Variants in TECPR2 observed in about 807,000 individuals in gnomAD.
The protein encoded by TECPR2 is tectonin beta-propeller repeat containing 2.
TECPR2 carries 65 observed loss-of-function variants against 138.1 expected under a neutral mutation model. The ratio of observed to expected loss-of-function variants is 0.47; its 90% CI spans 0.39 to 0.58. TECPR2 has a LOEUF of 0.58. TECPR2 is among the 20% of genes least tolerant of loss of function. The pLI, the probability that TECPR2 is intolerant of heterozygous loss-of-function variation, is 0.00. For missense variants in TECPR2, 1,553 were observed against 1,824.5 expected (o/e 0.85, Z 2.71); for synonymous variants, 746 against 749.8 (o/e 0.99, Z 0.08).
At chr14:102,482,838 C>CT (rs758301929) in intron 17 of TECPR2, among the ~76,000 whole-genome samples, 17,229 of 96,694 alleles carry the variant, frequency 0.18, 2,322 homozygotes, top group East Asian at 0.43. Flanking sequence ...AGAAGCCTTT[C>CT]TTTTTTTTTT....
chr14:102,373,332 G>A (rs890833851), intron 1 of TECPR2, among the ~76,000 whole-genome samples: 4 of 152,144 alleles, frequency 2.6e-5, no homozygotes, highest in Non-Finnish European at 5.9e-5. Context: ...ATACCATTCA[G>A]TAGAAACTGT....
At chr14:102,386,244 A>G (rs1262959706) in intron 2 of TECPR2, among the ~76,000 whole-genome samples, 1 of 152,070 alleles carries the variant, frequency 6.6e-6, no homozygotes, top group Non-Finnish European at 1.5e-5. Context: ...CGAGGCAGGC[A>G]GATCATTTTG....
At chr14:102,465,789 C>A in intron 17 of TECPR2, 2 of 329,808 alleles carry the variant, frequency 6.1e-6, no homozygotes, top group African/African-American at 2.2e-5. Flanking sequence ...CATCCCAACA[C>A]AGAGTCTGTG....
intron 17 of TECPR2, among the ~76,000 whole-genome samples, chr14:102,469,215 A>T (rs1890612531): frequency 6.6e-6 from 1 of 152,284 alleles, no homozygotes; most frequent in East Asian, 1.9e-4. Flanking sequence ...TGAACATGGG[A>T]TGTCTTCCCA....
At chr14:102,377,006 T>G in intron 2 of TECPR2, 66 bp downstream of exon 2, 1 of 1,504,596 alleles carries the variant, frequency 6.6e-7, no homozygotes, top group South Asian at 1.2e-5. Flanking sequence ...CATGCTTGTG[T>G]TCTAGGATGA....
At chr14:102,364,315 C>T (rs566304621) in intron 1 of TECPR2, among the ~76,000 whole-genome samples, 76 of 152,306 alleles carry the variant, frequency 5.0e-4, no homozygotes, top group Non-Finnish European at 6.5e-4. Context: ...CTTGATAAAC[C>T]TCTGACCTTA....
At chr14:102,447,578 A>G (rs542296968) in intron 13 of TECPR2, among the ~76,000 whole-genome samples, 25 of 152,034 alleles carry the variant, frequency 1.6e-4, no homozygotes, top group Non-Finnish European at 3.2e-4. Flanking sequence ...TCTGTCACCC[A>G]GTCTGGAGTA....
Position 102,498,856 on chromosome 14 carries a change from C to G in TECPR2, c.*599C>G, listed in dbSNP as rs768367236. ...TGCCAGGAGAGAACCCACGCACATG[C>G]ACACCACAACACACAACACACCTCA... On this transcript the variant is annotated 3_prime_UTR_variant, in exon 20 of 20. Transcript: ENST00000359520. The G allele has an allele frequency of 1.1e-5, 7 of 646,730 alleles. No homozygotes were observed. The highest frequency in any genetic ancestry group is 2.0e-5 in the Non-Finnish European group (7 of 348,026). The allele number at this position is 646,730 out of a possible 1,614,324, so 40.1% of individuals were successfully genotyped here.
chr14:102,482,063 T>G (rs1227380898), intron 17 of TECPR2, among the ~76,000 whole-genome samples: 1 of 152,148 alleles, frequency 6.6e-6, no homozygotes, highest in Non-Finnish European at 1.5e-5. Flanking sequence ...TTTCTTTTTT[T>G]TTTTGAGACA....
intron 7 of TECPR2, among the ~76,000 whole-genome samples, chr14:102,430,553 C>T (rs539294597): frequency 6.6e-6 from 1 of 152,314 alleles, no homozygotes; most frequent in African/African-American, 2.4e-5. Context: ...GTGTCTGGCA[C>T]ACGGAGGATC....
chr14:102,396,292 G>A (rs949683382), intron 2 of TECPR2, among the ~76,000 whole-genome samples: 6 of 151,826 alleles, frequency 4.0e-5, no homozygotes, highest in Admixed American at 6.6e-5. Context: ...TAGTAGAGAC[G>A]GAGTTTCGCC....
chr14:102,419,866 T>G lies in TECPR2; in HGVS notation c.638+5073T>G, dbSNP rs1422665161. ...GAAGCCCTCCCTGGCAGTAGCACTT[T>G]GCCCTGGGGAAGGAGAAGGAGACGC... is the stretch of plus-strand genomic sequence containing the variant. On this transcript the variant is annotated intron_variant, in intron 5 of 19. Coordinates refer to ENST00000359520, the MANE Select transcript of TECPR2 (RefSeq NM_014844.5). This position sits in a 1 kb window ranked among gnomAD's most constrained non-coding sequence, Gnocchi z 4.8. Among the ~76,000 whole-genome samples the G allele has an allele frequency of 6.6e-6, 1 of 152,158 alleles. No individual in the cohort carries two copies. Among genetic ancestry groups the G allele is most frequent in the African/African-American group, 2.4e-5 (1 of 41,430 alleles).
chr14:102,481,627 A>G (rs1890895991), intron 17 of TECPR2, among the ~76,000 whole-genome samples: 1 of 152,230 alleles, frequency 6.6e-6, no homozygotes, highest in South Asian at 2.1e-4. Context: ...ACAGAGTCAC[A>G]TGTGAAAATC....
At chr14:102,457,284 C>T (rs1358481344) in intron 16 of TECPR2, among the ~76,000 whole-genome samples, 1 of 151,986 alleles carries the variant, frequency 6.6e-6, no homozygotes, top group Non-Finnish European at 1.5e-5. Flanking sequence ...GGGGTTTCAC[C>T]ATGTTGGCCA....
intron 7 of TECPR2, among the ~76,000 whole-genome samples, chr14:102,428,910 C>T (rs1001291474): frequency 4.7e-5 from 7 of 149,534 alleles, no homozygotes; most frequent in African/African-American, 7.4e-5. Flanking sequence ...TGCAATGAGG[C>T]GATCTCAGCT....
At chr14:102,413,532 C>T (rs1475738054) in intron 4 of TECPR2, among the ~76,000 whole-genome samples, 2 of 151,634 alleles carry the variant, frequency 1.3e-5, no homozygotes, top group Non-Finnish European at 2.9e-5. Flanking sequence ...GCATGTGCCA[C>T]CTCGCCCAGC....
chr14:102,481,442 C>A (rs1890892235), intron 17 of TECPR2, among the ~76,000 whole-genome samples: 2 of 152,208 alleles, frequency 1.3e-5, no homozygotes, highest in South Asian at 4.1e-4. Context: ...AGCCACCACA[C>A]CGAGCCTGGT....
rs1889724315 is a variant in TECPR2, at chr14:102,438,135, G to A, written c.2508G>A (p.Ala836=). The A allele has an allele frequency of 1.9e-6, 3 of 1,613,862 alleles. No homozygotes were observed. The highest frequency in any genetic ancestry group is 2.5e-6 in the Non-Finnish European group (3 of 1,179,976). The change falls in exon 10 of 20, where the codon GCG becomes GCA. Residue 836 remains alanine, a synonymous_variant. Transcript: ENST00000359520. ...LDYKGGLFCS[A]LPGAGLRWQK... is the part of the protein sequence containing the mutation. ...ACAAAGGCGGCCTGTTCTGCAGCGCGTTGCCGGGCGCCGGGCTGCGCTGGC... is the reference window on the plus strand; with the variant it reads ...ACAAAGGCGGCCTGTTCTGCAGCGCATTGCCGGGCGCCGGGCTGCGCTGGC...
At position 102,452,443 on chromosome 14, in the gene TECPR2, C is replaced by G. The variant is rs199827410; in HGVS notation, c.3456C>G (p.Ser1152Arg). The change falls in exon 16 of 20, where the codon AGC becomes AGG. Residue 1152 changes from serine (S) to arginine (R), a missense_variant. By Grantham distance (110) the Ser-to-Arg change is moderately radical (BLOSUM62 -1). Coordinates refer to ENST00000359520, the MANE Select transcript of TECPR2 (RefSeq NM_014844.5). ...CQSSKDLCSV[S>R]AQSAQSRPST... ...GCAGCAAGGACCTGTGCAGCGTCAG[C>G]GCCCAGAGCGCACAGTCGCGGCCCT... is the stretch of plus-strand genomic sequence containing the variant. The G allele has an allele frequency of 2.7e-5, 43 of 1,613,594 alleles. 1 individual carries two copies. The East Asian group carries it at 9.6e-4, about 36-fold the overall frequency.
Sources: gnomAD v4.1 joint callset for allele counts (sites outside exome capture counted in the v4.1 genomes callset) on GRCh38, gnomAD v4.1.1 for gene constraint, Gnocchi (gnomAD v3.1) non-coding constraint, MANE v1.5 for transcripts, NCBI Gene and HGNC (gene_info 2026-07-23, HGNC 2026-07-21) for gene names.